Variants in RFX7 observed in about 807,000 individuals in gnomAD.
RFX7 encodes the protein regulatory factor X7, also known as DNA-binding protein RFX7.
A neutral mutation model predicts 111.8 loss-of-function variants in RFX7; 26 were observed. The observed-to-expected ratio is 0.23, with a 90% CI of 0.17 to 0.32. The LOEUF (loss-of-function observed/expected upper bound fraction) is 0.32. Among genes scored for constraint, RFX7 ranks in the 10% least tolerant of loss-of-function variants. The probability of loss-of-function intolerance (pLI) is 1.00; values close to 1 mark genes in which losing one functional copy is unlikely to be tolerated. For missense variants in RFX7, 1,573 were observed against 1,772.9 expected (o/e 0.89, Z 2.02); for synonymous variants, 624 against 624.4 (o/e 1.00, Z 0.01).
chr15:56,109,499 G>C (rs1164435570), intron 5 of RFX7, among the ~76,000 whole-genome samples: 2 of 152,042 alleles, frequency 1.3e-5, no homozygotes. Context: ...GTCTCTGCCT[G>C]GCCGCCCATC....
intron 3 of RFX7, among the ~76,000 whole-genome samples, chr15:56,166,408 G>A (rs1369715763): frequency 6.6e-6 from 1 of 152,104 alleles, no homozygotes; most frequent in African/African-American, 2.4e-5. Context: ...CAATTTAGGG[G>A]ACCCAAACAT....
At chr15:56,143,438 T>A (rs535450569) in intron 4 of RFX7, among the ~76,000 whole-genome samples, 10 of 151,990 alleles carry the variant, frequency 6.6e-5, no homozygotes, top group Non-Finnish European at 1.5e-4. Flanking sequence ...AGAATGGAAT[T>A]TGCACCAGAG....
At chr15:56,101,943 T>G (rs947428680) in intron 7 of RFX7, among the ~76,000 whole-genome samples, 1 of 152,232 alleles carries the variant, frequency 6.6e-6, no homozygotes, top group African/African-American at 2.4e-5. Flanking sequence ...AATATGTATT[T>G]TGGAAATATC....
chr15:56,183,114 C>T (rs2042994306), intron 2 of RFX7, among the ~76,000 whole-genome samples: 1 of 151,894 alleles, frequency 6.6e-6, no homozygotes, highest in South Asian at 2.1e-4. Flanking sequence ...ATGTTGTGTG[C>T]CTTTTTACCT....
At chr15:56,111,413 G>A (rs1409282672) in intron 5 of RFX7, among the ~76,000 whole-genome samples, 2 of 151,536 alleles carry the variant, frequency 1.3e-5, no homozygotes, top group Non-Finnish European at 3.0e-5. Flanking sequence ...TAAGGGCGGT[G>A]CAAGATGTGC....
At chr15:56,112,129 A>G (rs1162431231) in intron 5 of RFX7, among the ~76,000 whole-genome samples, 7 of 151,642 alleles carry the variant, frequency 4.6e-5, no homozygotes, top group African/African-American at 1.7e-4. Context: ...AAAAAAAAAA[A>G]AAAAGAATCA....
At chr15:56,186,463 A>G (rs2043039374) in intron 2 of RFX7, among the ~76,000 whole-genome samples, 2 of 152,036 alleles carry the variant, frequency 1.3e-5, no homozygotes, top group Non-Finnish European at 2.9e-5. Context: ...CTCTTTCTTG[A>G]TTTGAAGCTT....
Position 56,145,432 on chromosome 15 carries a change from G to T in RFX7, c.196-949C>A, listed in dbSNP as rs555207828. On this transcript the variant is annotated intron_variant, in intron 3 of 9. Transcript: ENST00000559447. ...AAGCCTATTCTTAGTCTTATCAGAA[G>T]ATATCCACAAAAGTTTAATCTTAGA... Among the ~76,000 whole-genome samples, 4 of 152,242 alleles carry T rather than the reference G, an allele frequency of 2.6e-5. No individual in the cohort carries two copies. In the East Asian group the frequency reaches 7.7e-4, roughly 29 times the overall value.
Position 56,243,214 on chromosome 15 carries a change from G to A in RFX7, c.72C>T (p.Pro24=), listed in dbSNP as rs765209012. Reference sequence around the variant, plus strand: ...GGGCTGGCAGGGCCACCCCCGAGTTGGGGGCGCTGGGGGGAAGCTGCTGAT... The same window carrying A: ...GGGCTGGCAGGGCCACCCCCGAGTTAGGGGCGCTGGGGGGAAGCTGCTGAT... ...DAHQQLPPSA[P]NSGVALPALV... is the part of the protein sequence containing the mutation. Residue 24 remains proline (P), a synonymous_variant, in exon 2 of 10, where the codon CCC becomes CCT. Transcript: ENST00000559447. 1.5e-6 allele frequency: 2 copies of A among 1,332,994 alleles called. No homozygotes were observed. Among genetic ancestry groups the A allele is most frequent in the South Asian group, 2.4e-5 (2 of 83,302 alleles). 82.6% of individuals were successfully genotyped at this position (1,332,994 alleles called of 1,614,324 possible).
rs58795247 is a variant in RFX7, at chr15:56,224,467, T to TTGTGTGTGTGTG, written c.161+18646_161+18657dup. 5.4e-3 allele frequency among the ~76,000 whole-genome samples: 798 copies of TTGTGTGTGTGTG among 147,302 alleles called. 8 individuals carry two copies. Among genetic ancestry groups the TTGTGTGTGTGTG allele is most frequent in the South Asian group, 0.02 (91 of 4,552 alleles). ...ACTCTCTTTTGCCAAGATTAGGATTTTGTGTGTGTGTGTGTGTGTGTGTGT... is the reference window on the plus strand; with the variant it reads ...ACTCTCTTTTGCCAAGATTAGGATTTTGTGTGTGTGTGTGTGTGTGTGTGTGTGTGTGTGTGT... On this transcript the variant is annotated intron_variant, in intron 2 of 9. Coordinates refer to ENST00000559447, the MANE Select transcript of RFX7 (RefSeq NM_022841.7).
rs1408350558 is a variant in RFX7 at position 56,093,876 on chromosome 15, A to T, written c.3852T>A (p.Thr1284=). The change falls in exon 10 of 10, where the codon ACT becomes ACA. Residue 1284 remains threonine, a synonymous_variant. Transcript: ENST00000559447. ...AAACAGTGGAAGGTTCCAAAATCTG[A>T]GTGAGATTCATCCGGGCTGTATAAT... ...PSNYTARMNL[T]QILEPSTVFP... The T allele has an allele frequency of 5.6e-6, 9 of 1,613,970 alleles. No individual in the cohort carries two copies. The highest frequency in any genetic ancestry group is 7.6e-6 in the Non-Finnish European group (9 of 1,179,868).
intron 2 of RFX7, among the ~76,000 whole-genome samples, chr15:56,235,918 T>C (rs75579439): frequency 3.7e-4 from 57 of 152,338 alleles, no homozygotes; most frequent in African/African-American, 1.4e-3. Context: ...TGGTAGTGTG[T>C]ACCATATGGA....
At chr15:56,181,903 C>G (rs1231892494) in intron 2 of RFX7, among the ~76,000 whole-genome samples, 1 of 152,148 alleles carries the variant, frequency 6.6e-6, no homozygotes, top group Non-Finnish European at 1.5e-5. Context: ...ACTGCCTGAG[C>G]TCTGCCTCCT....
chr15:56,215,516 C>G (rs1447499260), intron 2 of RFX7, among the ~76,000 whole-genome samples: 2 of 152,110 alleles, frequency 1.3e-5, no homozygotes, highest in Non-Finnish European at 2.9e-5. Context: ...TCTAATGAAC[C>G]GACTTTGCCC....
intron 5 of RFX7, among the ~76,000 whole-genome samples, chr15:56,109,440 G>A (rs1208450573): frequency 2.0e-5 from 3 of 151,852 alleles, no homozygotes; most frequent in South Asian, 2.1e-4. Context: ...CCAAAGTGCC[G>A]AGATTGCAGC....
At chr15:56,193,483 A>G (rs1181864402) in intron 2 of RFX7, among the ~76,000 whole-genome samples, 1 of 152,192 alleles carries the variant, frequency 6.6e-6, no homozygotes, top group East Asian at 1.9e-4. Flanking sequence ...ATTGATAATG[A>G]CAGGCATTGA....
chr15:56,187,206 G>C (rs952742070), intron 2 of RFX7, among the ~76,000 whole-genome samples: 11 of 150,536 alleles, frequency 7.3e-5, no homozygotes, highest in African/African-American at 2.7e-4. Context: ...AACTGTACTG[G>C]TAGAATTTTT....
At chr15:56,124,718 T>G (rs2042120994) in intron 5 of RFX7, among the ~76,000 whole-genome samples, 1 of 152,228 alleles carries the variant, frequency 6.6e-6, no homozygotes, top group Non-Finnish European at 1.5e-5. Context: ...CTTTGCGGCT[T>G]AAATGTCTGA....
chr15:56,121,137 G>A (rs2042073372), intron 5 of RFX7, among the ~76,000 whole-genome samples: 1 of 152,168 alleles, frequency 6.6e-6, no homozygotes, highest in Admixed American at 6.5e-5. Context: ...CTTTCAGACT[G>A]AAGAACTCTG....
Sources: allele counts gnomAD v4.1 joint callset (sites outside exome capture counted in the v4.1 genomes callset), GRCh38; gene constraint gnomAD v4.1.1; transcripts MANE v1.5; gene names NCBI Gene and HGNC (gene_info 2026-07-23, HGNC 2026-07-21).